Variants in CCSER1 observed in about 807,000 individuals in gnomAD.
CCSER1 encodes serine-rich coiled-coil domain-containing protein 1.
Under a neutral mutation model 82.0 loss-of-function variants are expected in CCSER1, and 41 were observed. The ratio of observed to expected loss-of-function variants is 0.50; its 90% CI spans 0.39 to 0.65. The LOEUF is 0.65. CCSER1 is among the 30% of genes least tolerant of loss of function. CCSER1 has a pLI of 0.00. For synonymous variants in CCSER1, 414 were observed against 383.9 expected (o/e 1.08, Z -0.92); for missense variants, 1,119 against 1,064.2 (o/e 1.05, Z -0.72).
chr4:90,818,283 T>C (rs1439719841), intron 8 of CCSER1, among the ~76,000 whole-genome samples: 1 of 151,268 alleles, frequency 6.6e-6, no homozygotes, highest in Non-Finnish European at 1.5e-5. Context: ...TTTTTTCTTT[T>C]TTTTTTTTTT....
intron 5 of CCSER1, among the ~76,000 whole-genome samples, chr4:90,601,810 C>A (rs954086225): frequency 6.6e-6 from 1 of 151,766 alleles, no homozygotes; most frequent in Non-Finnish European, 1.5e-5. Context: ...TTTTATTTGA[C>A]CCTTGAATTA....
intron 9 of CCSER1, among the ~76,000 whole-genome samples, chr4:90,930,821 T>G (rs1214741249): frequency 1.3e-5 from 2 of 150,216 alleles, no homozygotes; most frequent in Non-Finnish European, 3.0e-5. Context: ...TTTGTGGACT[T>G]ATATTAATTT....
intron 5 of CCSER1, among the ~76,000 whole-genome samples, chr4:90,508,583 T>C (rs1365804867): frequency 6.6e-6 from 1 of 152,060 alleles, no homozygotes; most frequent in Non-Finnish European, 1.5e-5. Context: ...TATGTCCTCC[T>C]ATTGAAAATC....
intron 7 of CCSER1, among the ~76,000 whole-genome samples, chr4:90,762,237 G>A (rs1333261112): frequency 1.3e-5 from 2 of 152,016 alleles, no homozygotes; most frequent in African/African-American, 4.8e-5. Context: ...TTTATAAGGG[G>A]CTTTTCTCCC....
intron 8 of CCSER1, among the ~76,000 whole-genome samples, chr4:90,872,602 G>A (rs576324720): frequency 2.0e-5 from 3 of 151,678 alleles, no homozygotes; most frequent in South Asian, 2.1e-4. Flanking sequence ...TATTACTTTC[G>A]ATTGGTTCAT....
intron 10 of CCSER1, among the ~76,000 whole-genome samples, chr4:91,106,518 A>G (rs1426915911): frequency 1.3e-5 from 2 of 151,744 alleles, no homozygotes; most frequent in Admixed American, 1.3e-4. Context: ...CTCTTTTTCT[A>G]CTCTTTCCCA....
chr4:90,476,817 A>G (rs940994575), intron 5 of CCSER1, among the ~76,000 whole-genome samples: 1 of 152,112 alleles, frequency 6.6e-6, no homozygotes, highest in African/African-American at 2.4e-5. Flanking sequence ...AAGAAATCCT[A>G]TTGTAACGTT....
chr4:90,478,298 A>G (rs1166585759), intron 5 of CCSER1, among the ~76,000 whole-genome samples: 2 of 152,182 alleles, frequency 1.3e-5, no homozygotes, highest in Non-Finnish European at 2.9e-5. Context: ...GAACACCTCT[A>G]TTATAGTACT....
chr4:91,258,234 A>G (rs924330725), intron 10 of CCSER1, among the ~76,000 whole-genome samples: 7 of 152,126 alleles, frequency 4.6e-5, no homozygotes, highest in African/African-American at 1.7e-4. Flanking sequence ...TCAAAGGTAG[A>G]CTACACACAA....
At chr4:90,747,471 G>A (rs1747688162) in intron 7 of CCSER1, among the ~76,000 whole-genome samples, 1 of 151,960 alleles carries the variant, frequency 6.6e-6, no homozygotes, top group Admixed American at 6.6e-5. Flanking sequence ...TGCGGAGCTA[G>A]GCTGAGAGCA....
At chr4:91,219,758 A>G (rs186064443) in intron 10 of CCSER1, among the ~76,000 whole-genome samples, 1 of 152,302 alleles carries the variant, frequency 6.6e-6, no homozygotes, top group Non-Finnish European at 1.5e-5. Context: ...TGCTTCTAAA[A>G]TAGTACAATA....
chr4:91,541,875 C>T (rs1761618702), intron 10 of CCSER1, among the ~76,000 whole-genome samples: 2 of 152,046 alleles, frequency 1.3e-5, no homozygotes, highest in Non-Finnish European at 2.9e-5. Flanking sequence ...TGCTCCACAC[C>T]CTCTCCAGCA....
At chr4:90,490,170 C>G (rs1462299362) in intron 5 of CCSER1, among the ~76,000 whole-genome samples, 1 of 152,148 alleles carries the variant, frequency 6.6e-6, no homozygotes, top group Non-Finnish European at 1.5e-5. Flanking sequence ...TCTCCACATC[C>G]TCTCCAGCAC....
At chr4:90,321,692 G>A (rs1435217805) in intron 3 of CCSER1, among the ~76,000 whole-genome samples, 2 of 152,110 alleles carry the variant, frequency 1.3e-5, no homozygotes, top group Non-Finnish European at 2.9e-5. Context: ...AGTGTACAAG[G>A]GTTCCCTTTT....
At chr4:90,732,520 A>G (rs1462815477) in intron 7 of CCSER1, among the ~76,000 whole-genome samples, 1 of 152,184 alleles carries the variant, frequency 6.6e-6, no homozygotes, top group Non-Finnish European at 1.5e-5. Flanking sequence ...CTAAACTCCC[A>G]GAAGAAATCA....
At chr4:91,443,751 A>G (rs1755371206) in intron 10 of CCSER1, among the ~76,000 whole-genome samples, 1 of 148,518 alleles carries the variant, frequency 6.7e-6, no homozygotes, top group Non-Finnish European at 1.5e-5. Context: ...ATAAATATGT[A>G]TTATATAATA....
Position 90,183,759 on chromosome 4 carries a change from C to T in CCSER1, c.-42+55928C>T, listed in dbSNP as rs190354594. Reference sequence around the variant, plus strand: ...AATTCTTTCTATTGTCACAATCTGGCAGTGTTAAGGACAATTTCAGTTCAC... The same window carrying T: ...AATTCTTTCTATTGTCACAATCTGGTAGTGTTAAGGACAATTTCAGTTCAC... On this transcript the variant is annotated intron_variant, in intron 1 of 10. Coordinates refer to ENST00000509176, the MANE Select transcript of CCSER1 (RefSeq NM_001145065.2). Among the ~76,000 whole-genome samples, 336 of 152,170 alleles carry T rather than the reference C, an allele frequency of 2.2e-3. 2 individuals are homozygous for T. The highest frequency in any genetic ancestry group is 2.0e-3 in the Non-Finnish European group (133 of 68,006).
intron 10 of CCSER1, among the ~76,000 whole-genome samples, chr4:91,374,890 G>A (rs2149328745): frequency 6.6e-6 from 1 of 152,266 alleles, no homozygotes; most frequent in Admixed American, 6.5e-5. Context: ...CAGCTACTTA[G>A]GAGGCTGATG....
chr4:91,009,924 T>C (rs1738865887), intron 9 of CCSER1, among the ~76,000 whole-genome samples: 1 of 152,198 alleles, frequency 6.6e-6, no homozygotes, highest in African/African-American at 2.4e-5. Context: ...ATATATATAC[T>C]ATTTATAGAG....
Sources: gnomAD v4.1 joint callset for allele counts (sites outside exome capture counted in the v4.1 genomes callset) on GRCh38, gnomAD v4.1.1 for gene constraint, MANE v1.5 for transcripts, NCBI Gene and HGNC (gene_info 2026-07-23, HGNC 2026-07-21) for gene names.